TMEM131L: variants seen among roughly 807,000 people sequenced by gnomAD.
The protein encoded by TMEM131L is transmembrane 131 like.
A neutral mutation model predicts 192.2 loss-of-function variants in TMEM131L; 54 were observed. That is an observed-to-expected ratio of 0.28 (90% CI 0.23 to 0.35). TMEM131L has a LOEUF of 0.35. TMEM131L is among the 10% of genes least tolerant of loss of function. The pLI, the probability that TMEM131L is intolerant of heterozygous loss-of-function variation, is 1.00. For synonymous variants in TMEM131L, 701 were observed against 704.9 expected (o/e 0.99, Z 0.09); for missense variants, 1,888 against 1,972.9 (o/e 0.96, Z 0.82).
chr4:153,587,599 A>G (rs1730782200), intron 14 of TMEM131L, 143 bp from the exon 15 acceptor site: 5 of 671,732 alleles, frequency 7.4e-6, no homozygotes, highest in Non-Finnish European at 1.3e-5. Context: ...AAATTCCTTA[A>G]CAATTAGAAA....
chr4:153,467,372 G>A lies in TMEM131L; in HGVS notation c.195+91G>A. On this transcript the variant is annotated intron_variant, in intron 2 of 34. Transcript: ENST00000409959. ...GTCCTCCCCACCCCCTGTCCAAGCGGCACAGGCGTTCGGGCCACTTTGCAA... is the reference window on the plus strand; with the variant it reads ...GTCCTCCCCACCCCCTGTCCAAGCGACACAGGCGTTCGGGCCACTTTGCAA... 3 of 1,139,698 alleles carry A rather than the reference G, an allele frequency of 2.6e-6. No homozygotes were observed. In the South Asian group the frequency reaches 4.0e-5, roughly 15 times the overall value. The allele number at this position is 1,139,698 out of a possible 1,614,324, so 70.6% of individuals were successfully genotyped here. A position where few individuals can be genotyped will look rare whatever the true frequency, so the allele number is the denominator to read the frequency against.
At chr4:153,518,627 A>G (rs1734898798) in intron 3 of TMEM131L, among the ~76,000 whole-genome samples, 1 of 152,192 alleles carries the variant, frequency 6.6e-6, no homozygotes, top group Non-Finnish European at 1.5e-5. Context: ...CATAGAAGCG[A>G]TGGGAACATC....
At chr4:153,624,188 G>A (rs1053560579) in intron 29 of TMEM131L, among the ~76,000 whole-genome samples, 27 of 149,502 alleles carry the variant, frequency 1.8e-4, no homozygotes, top group African/African-American at 5.9e-4. Context: ...GTGGGATCTC[G>A]GCTCACTGCA....
intron 3 of TMEM131L, among the ~76,000 whole-genome samples, chr4:153,539,261 T>G (rs964132394): frequency 6.6e-6 from 1 of 152,208 alleles, no homozygotes; most frequent in Non-Finnish European, 1.5e-5. Context: ...GGGCACACTC[T>G]AGACTGGTTT....
intron 32 of TMEM131L, 85 bp from the exon 33 acceptor site, chr4:153,634,107 G>A: frequency 8.9e-7 from 1 of 1,120,284 alleles, no homozygotes; most frequent in Non-Finnish European, 1.4e-6. Flanking sequence ...TGATTAGGAT[G>A]CTAGGCAGTA....
At chr4:153,582,433 GTTTTTTTTTTTTTTTT>G (rs1038256479) in intron 9 of TMEM131L, among the ~76,000 whole-genome samples, 1 of 40,336 alleles carries the variant, frequency 2.5e-5, no homozygotes, top group African/African-American at 1.4e-4. Context: ...TTTTTTTGTT[GTTTTTTTTTTTTTTTT>G]TTTTTTTTTT....
chr4:153,569,843 A>AT (rs1214298009), intron 7 of TMEM131L, among the ~76,000 whole-genome samples: 4 of 152,238 alleles, frequency 2.6e-5, no homozygotes, highest in Non-Finnish European at 2.9e-5. Flanking sequence ...AACCTTCTGA[A>AT]TATAAACCCT....
At chr4:153,620,138 C>T (rs1279201685) in intron 26 of TMEM131L, among the ~76,000 whole-genome samples, 1 of 152,146 alleles carries the variant, frequency 6.6e-6, no homozygotes, top group Admixed American at 6.5e-5. Flanking sequence ...TAGACCATGC[C>T]TGACATTGAA....
At chr4:153,626,092 A>G (rs1733824475) in intron 29 of TMEM131L, 55 bp from the exon 30 acceptor site, 7 of 1,099,440 alleles carry the variant, frequency 6.4e-6, no homozygotes, top group Admixed American at 5.3e-5. Flanking sequence ...AATACCGAAT[A>G]TACAGTTGAA....
intron 3 of TMEM131L, among the ~76,000 whole-genome samples, chr4:153,526,041 T>C (rs1018373733): frequency 3.3e-5 from 5 of 151,926 alleles, no homozygotes; most frequent in African/African-American, 1.2e-4. Context: ...GTATTTTTAG[T>C]AGAGATGGGG....
At chr4:153,505,751 G>A (rs1580093543) in intron 3 of TMEM131L, among the ~76,000 whole-genome samples, 1 of 152,186 alleles carries the variant, frequency 6.6e-6, no homozygotes, top group East Asian at 1.9e-4. Flanking sequence ...GTTGAGCAGC[G>A]AAATCATACA....
Position 153,593,861 on chromosome 4 carries a change from G to A in TMEM131L, c.1985G>A (p.Cys662Tyr). ...TTGEFQLTEACPYLGTHSEES... is the reference protein window; with the variant it reads ...TTGEFQLTEAYPYLGTHSEES... The stretch of plus-strand genomic sequence containing the variant: ...GGTGAATTCCAGCTCACCGAAGCTT[G>A]CCCTTACCTGGTAGGATGTTATCCT... The change falls in exon 19 of 35, where the codon TGC becomes TAC. Residue 662 changes from cysteine to tyrosine, a missense_variant. Coordinates refer to ENST00000409959, the MANE Select transcript of TMEM131L (RefSeq NM_001131007.2). 2 of 1,610,994 alleles carry A rather than the reference G, an allele frequency of 1.2e-6. No homozygotes were observed. The highest frequency in any genetic ancestry group is 2.2e-5 in the South Asian group (2 of 91,018).
chr4:153,578,056 C>A lies in TMEM131L; in HGVS notation c.661-2770C>A, dbSNP rs1431550027. On this transcript the variant is annotated intron_variant, in intron 7 of 34. Coordinates refer to ENST00000409959, the MANE Select transcript of TMEM131L (RefSeq NM_001131007.2). ...AAGGAGCAACAGCTGGCAGAGGAACCAGAGAGAAAGAAAAACCGAGAGGGA... is the reference window on the plus strand; with the variant it reads ...AAGGAGCAACAGCTGGCAGAGGAACAAGAGAGAAAGAAAAACCGAGAGGGA... 3.3e-5 allele frequency among the ~76,000 whole-genome samples: 5 copies of A among 152,226 alleles called. No homozygotes were observed. The South Asian group carries it at 1.0e-3, about 32-fold the overall frequency.
In TMEM131L at chr4:153,604,194, T is replaced by A. The variant is rs1732051758; in HGVS notation, c.3182T>A (p.Leu1061Gln). The change falls in exon 25 of 35, where the codon CTG becomes CAG. Residue 1061 changes from leucine to glutamine, a missense_variant. Physicochemically the swap from Leu to Gln is moderately radical, Grantham distance 113. Transcript: ENST00000409959. ...TTACTGAATAAAGAAGAAAACACAC[T>A]GAAAAACACAATTGTTTTCAGTAAT... ...KNLLNKEENT[L>Q]KNTIVFSNPS... is the part of the protein sequence containing the mutation. The A allele has an allele frequency of 6.2e-7, 1 of 1,614,074 alleles. No homozygotes were observed. Among genetic ancestry groups the A allele is most frequent in the Non-Finnish European group, 8.5e-7 (1 of 1,179,994 alleles).
At chr4:153,615,002 T>TG (rs1732876669) in intron 26 of TMEM131L, among the ~76,000 whole-genome samples, 1 of 152,200 alleles carries the variant, frequency 6.6e-6, no homozygotes, top group African/African-American at 2.4e-5. Flanking sequence ...ATGGGGGTGA[T>TG]GAGCTCATTT....
At chr4:153,519,424 G>T (rs1237317668) in intron 3 of TMEM131L, among the ~76,000 whole-genome samples, 1 of 152,178 alleles carries the variant, frequency 6.6e-6, no homozygotes, top group East Asian at 1.9e-4. Context: ...GTGAAGAAGT[G>T]TTACTCAAAC....
intron 18 of TMEM131L, among the ~76,000 whole-genome samples, chr4:153,593,183 T>C (rs574203958): frequency 1.6e-4 from 25 of 152,360 alleles, no homozygotes; most frequent in Admixed American, 1.4e-3. Flanking sequence ...TTATATCTTA[T>C]TTTCACACAA....
At chr4:153,537,885 ATC>A (rs1488042032) in intron 3 of TMEM131L, among the ~76,000 whole-genome samples, 6 of 152,182 alleles carry the variant, frequency 3.9e-5, no homozygotes, top group Non-Finnish European at 8.8e-5. Flanking sequence ...GCTGTGTTAT[ATC>A]TGATGGACTC....
rs13126683 is a variant in TMEM131L, at chr4:153,622,589, G to C, written c.3860-309G>C. 3.0e-3 allele frequency among the ~76,000 whole-genome samples: 457 copies of C among 152,378 alleles called. 3 individuals carry two copies. The highest frequency in any genetic ancestry group is 3.7e-3 in the Non-Finnish European group (249 of 68,038). On this transcript the variant is annotated intron_variant, in intron 28 of 34. Transcript: ENST00000409959. ...ACCTATGAATCTCTGGTGCAATAGAGTAGCCTCAGTCTTCTTGATATAAGT... is the reference window on the plus strand; with the variant it reads ...ACCTATGAATCTCTGGTGCAATAGACTAGCCTCAGTCTTCTTGATATAAGT...
Sources: allele counts gnomAD v4.1 joint callset (sites outside exome capture counted in the v4.1 genomes callset), GRCh38; gene constraint gnomAD v4.1.1; transcripts MANE v1.5; gene names NCBI Gene and HGNC (gene_info 2026-07-23, HGNC 2026-07-21).